The following DISP1 variants were observed in gnomAD, a reference collection of about 807,000 sequenced individuals.
The protein encoded by DISP1 is dispatched RND transporter family member 1, also known as protein dispatched homolog 1.
DISP1 carries 30 observed loss-of-function variants against 37.3 expected under a neutral mutation model. The ratio of observed to expected loss-of-function variants is 0.80; its 90% CI spans 0.60 to 1.09. DISP1 has a LOEUF of 1.09. Ranked by LOEUF, DISP1 falls within the 50% of genes least tolerant of loss-of-function variation. The probability of loss-of-function intolerance (pLI) is 0.00; values close to 1 mark genes in which losing one functional copy is unlikely to be tolerated. For missense variants in DISP1, 1,598 were observed against 1,879.5 expected, an observed-to-expected ratio of 0.85 and a Z score of 2.77; for synonymous variants, 634 against 690.2, an observed-to-expected ratio of 0.92 and a Z score of 1.28.
chr1:222,936,539 C>A (rs56655013), intron 2 of DISP1, among the ~76,000 whole-genome samples: 4,305 of 122,402 alleles, frequency 0.035, 156 homozygotes, highest in African/African-American at 0.076. Context: ...CTCTCTCTCT[C>A]TCTATATATA....
At chr1:222,902,594 A>C (rs1367661270) in intron 1 of DISP1, among the ~76,000 whole-genome samples, 1 of 152,170 alleles carries the variant, frequency 6.6e-6, no homozygotes, top group Admixed American at 6.5e-5. Flanking sequence ...CAATGAACTC[A>C]AACAAATTTA....
intron 3 of DISP1, among the ~76,000 whole-genome samples, chr1:222,974,061 T>G (rs1307995065): frequency 6.6e-6 from 1 of 152,228 alleles, no homozygotes; most frequent in Non-Finnish European, 1.5e-5. Context: ...CGGTTGATCT[T>G]GTTAAGTAAA....
Position 222,888,331 on chromosome 1 carries a change from A to C in DISP1, c.-158-40099A>C, listed in dbSNP as rs187826070. Among the ~76,000 whole-genome samples the C allele has an allele frequency of 5.9e-5, 9 of 152,290 alleles. No individual in the cohort carries two copies. The East Asian group carries it at 1.2e-3, about 20-fold the overall frequency. On this transcript the variant is annotated intron_variant, in intron 1 of 8. Transcript: ENST00000675850. ...GCTACTTACTGCATGCATGTGAATG[A>C]GACAGAGCAAATCTCTACACACATT...
At chr1:222,829,746 A>C (rs1205701926) in intron 1 of DISP1, among the ~76,000 whole-genome samples, 1 of 152,176 alleles carries the variant, frequency 6.6e-6, no homozygotes, top group African/African-American at 2.4e-5. Flanking sequence ...CCAGCCAAGA[A>C]ATAGAAAATA....
chr1:222,863,328 C>T (rs1668990164), intron 1 of DISP1, among the ~76,000 whole-genome samples: 1 of 152,028 alleles, frequency 6.6e-6, no homozygotes, highest in African/African-American at 2.4e-5. Flanking sequence ...CAAGAACAGC[C>T]TGGCAATACG....
intron 1 of DISP1, among the ~76,000 whole-genome samples, chr1:222,901,305 A>G (rs1671566685): frequency 6.6e-6 from 1 of 152,194 alleles, no homozygotes; most frequent in South Asian, 2.1e-4. Context: ...GAAAAAGAGA[A>G]AGTATTAACA....
In DISP1 at chr1:223,004,006, T is replaced by C. The variant is rs1679684565; in HGVS notation, c.2609T>C (p.Leu870Pro). The C allele has an allele frequency of 1.2e-6, 2 of 1,614,060 alleles. No homozygotes were observed. Among genetic ancestry groups the C allele is most frequent in the Non-Finnish European group, 1.7e-6 (2 of 1,180,036 alleles). ...MENQDCDEPALYPCCSHWSFP... is the reference protein window; with the variant it reads ...MENQDCDEPAPYPCCSHWSFP... ...AACCAGGACTGTGATGAGCCTGCCC[T>C]GTACCCATGCTGCAGCCACTGGAGC... The change falls in exon 9 of 9, where the codon CTG (leucine) becomes CCG (proline). Residue 870 changes from leucine to proline, a missense_variant. By Grantham distance (98) the Leu-to-Pro change is moderately conservative. Transcript: ENST00000675850. The surrounding 1 kb of genome is among the most constrained non-coding windows in gnomAD (Gnocchi z 4.9).
chr1:222,829,245 T>C (rs1292270203), intron 1 of DISP1, among the ~76,000 whole-genome samples: 1 of 152,210 alleles, frequency 6.6e-6, no homozygotes, highest in Non-Finnish European at 1.5e-5. Context: ...GATTACTTGC[T>C]CTGTGCATGG....
intron 1 of DISP1, among the ~76,000 whole-genome samples, chr1:222,865,296 A>G (rs962702075): frequency 6.6e-6 from 1 of 152,146 alleles, no homozygotes; most frequent in African/African-American, 2.4e-5. Context: ...AAAGTTGGAA[A>G]AGGGGTTAGT....
intron 1 of DISP1, among the ~76,000 whole-genome samples, chr1:222,860,490 T>A (rs977868969): frequency 3.9e-5 from 6 of 152,300 alleles, no homozygotes; most frequent in African/African-American, 1.4e-4. Context: ...TACAGAAGAA[T>A]GAAAACCACA....
intron 1 of DISP1, among the ~76,000 whole-genome samples, chr1:222,918,183 AG>A (rs1672601994): frequency 1.3e-5 from 2 of 152,182 alleles, no homozygotes. Flanking sequence ...ATTCTGTTTC[AG>A]GGGTGGGTCT....
In DISP1 at chr1:223,002,722, C is replaced by G. The variant is rs1426302720; in HGVS notation, c.1325C>G (p.Ala442Gly). 1.9e-6 allele frequency: 3 copies of G among 1,614,054 alleles called. No individual in the cohort carries two copies. Among genetic ancestry groups the G allele is most frequent in the Middle Eastern group, 1.6e-4 (1 of 6,084 alleles). The change falls in exon 9 of 9, where the codon GCT becomes GGT. Residue 442 changes from alanine (A) to glycine (G), a missense_variant. Coordinates refer to ENST00000675850, the MANE Select transcript of DISP1 (RefSeq NM_001377229.1). ...AAAGACTTTATGACCCCAAAGACGG[C>G]TGACTATGCCACGCCAGCTTTAAAA... The part of the protein sequence containing the change: ...VDKDFMTPKT[A>G]DYATPALKYS...
At chr1:222,855,529 C>T (rs900891002) in intron 1 of DISP1, among the ~76,000 whole-genome samples, 6 of 152,126 alleles carry the variant, frequency 3.9e-5, no homozygotes, top group Admixed American at 1.3e-4. Context: ...ACATGGAAAT[C>T]GTTATTATAT....
At chr1:222,876,330 A>C (rs1039223276) in intron 1 of DISP1, among the ~76,000 whole-genome samples, 19 of 152,202 alleles carry the variant, frequency 1.2e-4, no homozygotes, top group African/African-American at 4.6e-4. Flanking sequence ...TCTTCAATAA[A>C]GATAAATATA....
At chr1:222,865,216 T>C (rs1669116766) in intron 1 of DISP1, among the ~76,000 whole-genome samples, 1 of 152,116 alleles carries the variant, frequency 6.6e-6, no homozygotes, top group African/African-American at 2.4e-5. Flanking sequence ...AAATGTATCA[T>C]ATGCATTATA....
At chr1:222,958,564 T>C (rs1675796704) in intron 3 of DISP1, among the ~76,000 whole-genome samples, 1 of 152,212 alleles carries the variant, frequency 6.6e-6, no homozygotes, top group South Asian at 2.1e-4. Flanking sequence ...ATCATCAGTG[T>C]CTAGATATAT....
chr1:222,898,983 G>T (rs1671433777), intron 1 of DISP1, among the ~76,000 whole-genome samples: 1 of 152,036 alleles, frequency 6.6e-6, no homozygotes, highest in Non-Finnish European at 1.5e-5. Flanking sequence ...TGTTTCTGGA[G>T]AAAAGAACTA....
chr1:222,886,882 A>G lies in DISP1; in HGVS notation c.-158-41548A>G, dbSNP rs141087507. ...CATTTGGAATTAATCTAGTTTACCT[A>G]GAGGCAGAGGATTAGTTGCTCAAAA... is the stretch of plus-strand genomic sequence containing the variant. On this transcript the variant is annotated intron_variant, in intron 1 of 8. Transcript: ENST00000675850. 1.1e-4 allele frequency among the ~76,000 whole-genome samples: 16 copies of G among 152,352 alleles called. No individual in the cohort carries two copies. The East Asian group carries it at 1.9e-3, about 18-fold the overall frequency.
chr1:222,988,506 A>G (rs1465744337), intron 4 of DISP1, among the ~76,000 whole-genome samples: 1 of 152,186 alleles, frequency 6.6e-6, no homozygotes, highest in Non-Finnish European at 1.5e-5. Flanking sequence ...TGTAAAGCAC[A>G]AGAGCAACTG....
Sources: allele counts gnomAD v4.1 joint callset (sites outside exome capture counted in the v4.1 genomes callset), GRCh38; gene constraint gnomAD v4.1.1; non-coding constraint Gnocchi (gnomAD v3.1); transcripts MANE v1.5; gene names NCBI Gene and HGNC (gene_info 2026-07-23, HGNC 2026-07-21).